The following STK3 variants were observed in gnomAD, a reference collection of about 807,000 sequenced individuals.
The protein encoded by STK3 is serine/threonine-protein kinase 3.
Under a neutral mutation model 58.0 loss-of-function variants are expected in STK3, and 41 were observed. That is an observed-to-expected ratio of 0.71 (90% CI 0.55 to 0.92). The LOEUF is 0.92. Ranked by LOEUF, STK3 falls within the 40% of genes least tolerant of loss-of-function variation. The pLI is 0.00. For missense variants in STK3, 479 were observed against 602.7 expected (o/e 0.79, Z 2.15); for synonymous variants, 170 against 191.0 (o/e 0.89, Z 0.91).
At position 98,633,638 on chromosome 8, in the gene STK3, G is replaced by A. The variant is rs79656802; in HGVS notation, c.685-37469C>T. The A allele has an allele frequency of 6.1e-5, 44 of 724,258 alleles. No homozygotes were observed. In the African/African-American group the frequency reaches 6.2e-4, roughly 10 times the overall value. 44.9% of individuals were successfully genotyped at this position (724,258 alleles called of 1,614,324 possible). ...GGAACATTGGTGTTACAGCAGTGGC[G>A]TTTAATAAGGAACTTGATCCTGTAC... On this transcript the variant is annotated intron_variant, in intron 6 of 10. Coordinates refer to ENST00000419617, the MANE Select transcript of STK3 (RefSeq NM_006281.4).
intron 6 of STK3, among the ~76,000 whole-genome samples, chr8:98,629,279 C>T (rs1818989255): frequency 6.6e-6 from 1 of 152,096 alleles, no homozygotes; most frequent in South Asian, 2.1e-4. Context: ...CGAGAGTTTA[C>T]CAACTTTTGA....
intron 3 of STK3, among the ~76,000 whole-genome samples, chr8:98,761,822 TTTTATTTA>T (rs761072752): frequency 6.6e-5 from 10 of 152,030 alleles, no homozygotes; most frequent in African/African-American, 9.6e-5. Context: ...ACTTTTGATT[TTTTATTTA>T]TTTATTTATT....
At chr8:98,702,819 T>C (rs1825715124) in intron 6 of STK3, among the ~76,000 whole-genome samples, 1 of 152,224 alleles carries the variant, frequency 6.6e-6, no homozygotes, top group Non-Finnish European at 1.5e-5. Context: ...GGCACCCCAC[T>C]ATAGATGGAG....
chr8:98,858,355 G>GAGAGAGAGAA (rs1564065958), intron 3 of STK3, among the ~76,000 whole-genome samples: 1 of 137,606 alleles, frequency 7.3e-6, no homozygotes, highest in Non-Finnish European at 1.6e-5. Flanking sequence ...GAGAGAGAGA[G>GAGAGAGAGAA]AGAGACAGAG....
chr8:98,814,807 C>A (rs937394941), intron 1 of STK3, among the ~76,000 whole-genome samples: 1 of 152,178 alleles, frequency 6.6e-6, no homozygotes, highest in African/African-American at 2.4e-5. Flanking sequence ...ACCTCAGCCT[C>A]CTGGCTGTGA....
chr8:98,778,049 A>C (rs895063374), intron 1 of STK3, among the ~76,000 whole-genome samples: 2 of 152,220 alleles, frequency 1.3e-5, no homozygotes, highest in Non-Finnish European at 2.9e-5. Context: ...TAAACTAAAG[A>C]GCTTCTGCAC....
intron 6 of STK3, chr8:98,601,782 T>A (rs1324063860): frequency 1.3e-5 from 2 of 152,200 alleles, no homozygotes; most frequent in African/African-American, 2.4e-5. Flanking sequence ...TTGTGAAGTT[T>A]GAAACCTCAT....
At chr8:98,632,735 G>T (rs1819352794) in intron 6 of STK3, among the ~76,000 whole-genome samples, 1 of 152,032 alleles carries the variant, frequency 6.6e-6, no homozygotes, top group Admixed American at 6.6e-5. Context: ...TTTTGTCAAA[G>T]AAAAAGCAAT....
chr8:98,358,753 G>A, the STK3 span, among the ~76,000 whole-genome samples: 15 of 152,140 alleles, frequency 9.9e-5, no homozygotes, highest in African/African-American at 3.4e-4. Context: ...TTGCTGCAGT[G>A]AAGCGCCAAG....
chr8:98,596,956 T>C (rs1018908508), intron 6 of STK3, among the ~76,000 whole-genome samples: 8 of 152,084 alleles, frequency 5.3e-5, no homozygotes, highest in Non-Finnish European at 1.0e-4. Context: ...TTAATGTAGA[T>C]GTCCCAACAT....
At chr8:98,707,414 G>GC in intron 4 of STK3, 103 bp from the exon 5 acceptor site, 2 of 817,142 alleles carry the variant, frequency 2.4e-6, no homozygotes, top group Non-Finnish European at 3.6e-6. Context: ...GTGTGTGTGT[G>GC]TTTTTTTTTA....
At chr8:98,549,320 T>C (rs1037345852) in intron 8 of STK3, among the ~76,000 whole-genome samples, 3 of 152,212 alleles carry the variant, frequency 2.0e-5, no homozygotes, top group Non-Finnish European at 2.9e-5. Flanking sequence ...TGAAGTGTTA[T>C]CACATTGTAG....
intron 1 of STK3, among the ~76,000 whole-genome samples, chr8:98,912,407 A>G (rs1839177626): frequency 1.0e-5 from 1 of 95,618 alleles, no homozygotes; most frequent in South Asian, 2.9e-4. Flanking sequence ...ATAACAAACG[A>G]AAAAAAAAAA....
chr8:98,939,375 T>G (rs140887734), intron 1 of STK3, among the ~76,000 whole-genome samples: 3 of 152,226 alleles, frequency 2.0e-5, no homozygotes, highest in Admixed American at 2.0e-4. Flanking sequence ...CAGGCCCCAC[T>G]CCCAGTTTCT....
intron 1 of STK3, among the ~76,000 whole-genome samples, chr8:98,915,444 ATATATATATAT>A (rs1839310620): frequency 2.4e-5 from 1 of 41,298 alleles, no homozygotes. Flanking sequence ...ATATATATAT[ATATATATATAT>A]ATATATATAT....
At chr8:98,829,779 A>G (rs2131778467), upstream of STK3, among the ~76,000 whole-genome samples, 1 of 152,350 alleles carries the variant, frequency 6.6e-6, no homozygotes, top group East Asian at 1.9e-4. Flanking sequence ...ATTCATCAGT[A>G]AAGAAAAGAG....
chr8:98,594,029 A>C (rs1815579759), intron 7 of STK3, among the ~76,000 whole-genome samples: 1 of 152,148 alleles, frequency 6.6e-6, no homozygotes, highest in African/African-American at 2.4e-5. Context: ...ATATTTCAGC[A>C]GGGCGAGATA....
chr8:98,491,166 AG>A (rs1822656652), intron 10 of STK3, among the ~76,000 whole-genome samples: 10 of 9,226 alleles, frequency 1.1e-3, no homozygotes, highest in Non-Finnish European at 4.1e-3. Flanking sequence ...TAAACACGAG[AG>A]AGAGAGAGAG....
At position 98,848,252 on chromosome 8, in the gene STK3, C is replaced by CT. The variant is rs368641269; in HGVS notation, c.110+35394dup. Among the ~76,000 whole-genome samples, 990 of 144,202 alleles carry CT rather than the reference C, an allele frequency of 6.9e-3. 4 individuals are homozygous for CT. The highest frequency in any genetic ancestry group is 8.8e-3 in the African/African-American group (348 of 39,648). 94.6% of individuals were successfully genotyped at this position (144,202 alleles called of 152,430 possible). A position where few individuals can be genotyped will look rare whatever the true frequency, so the allele number is the denominator to read the frequency against. ...GCAACTACTAATCTACTTTTTTTTT[C>CT]TTTTTTTTTTTTGAGACAGAGTTTC... On this transcript the variant is annotated intron_variant, in intron 3 of 12. Transcript: ENST00000523601.
Sources: gnomAD v4.1 joint callset for allele counts (sites outside exome capture counted in the v4.1 genomes callset) on GRCh38, gnomAD v4.1.1 for gene constraint, MANE v1.5 for transcripts, NCBI Gene and HGNC (gene_info 2026-07-23, HGNC 2026-07-21) for gene names.